Variants in SLC39A8 observed in about 807,000 individuals in gnomAD.
The protein encoded by SLC39A8 is metal cation symporter ZIP8.
A neutral mutation model predicts 40.4 loss-of-function variants in SLC39A8; 15 were observed. That is an observed-to-expected ratio of 0.37 (90% CI 0.25 to 0.57). SLC39A8 has a LOEUF of 0.57. Among genes scored for constraint, SLC39A8 ranks in the 20% least tolerant of loss-of-function variants. The pLI, the probability that SLC39A8 is intolerant of heterozygous loss-of-function variation, is 0.75. For missense variants in SLC39A8, 472 were observed against 558.8 expected, an observed-to-expected ratio of 0.84 and a Z score of 1.57; for synonymous variants, 223 against 221.6, an observed-to-expected ratio of 1.01 and a Z score of -0.06.
chr4:102,281,255 G>A (rs980912976), intron 6 of SLC39A8, among the ~76,000 whole-genome samples: 3 of 152,142 alleles, frequency 2.0e-5, no homozygotes, highest in African/African-American at 7.2e-5. Context: ...CAGTTGCTAG[G>A]ATCCTTAAAA....
At chr4:102,298,058 T>C (rs1466165323) in intron 6 of SLC39A8, among the ~76,000 whole-genome samples, 1 of 151,960 alleles carries the variant, frequency 6.6e-6, no homozygotes, top group Non-Finnish European at 1.5e-5. Context: ...CAGAGTAGTT[T>C]TTTTAAGAAG....
At chr4:102,261,194 A>G (rs1432398749), downstream of SLC39A8, among the ~76,000 whole-genome samples, 1 of 152,248 alleles carries the variant, frequency 6.6e-6, no homozygotes, top group Non-Finnish European at 1.5e-5. Flanking sequence ...AAATGAGCAC[A>G]GAAGTCTGGT....
At chr4:102,268,273 G>C (rs1732196177) in intron 6 of SLC39A8, among the ~76,000 whole-genome samples, 194 bp from the exon 7 acceptor site, 1 of 152,172 alleles carries the variant, frequency 6.6e-6, no homozygotes, top group African/African-American at 2.4e-5. Flanking sequence ...TTCATCAACT[G>C]ACACACCTCG....
rs9331 is a variant in SLC39A8, at chr4:102,262,061, G to A, written c.*983C>T. On this transcript the variant is annotated 3_prime_UTR_variant, in exon 9 of 9. Coordinates refer to ENST00000356736, the MANE Select transcript of SLC39A8 (RefSeq NM_001135146.2). ...AGGAAGTCTTTTCTGAATGGCTCTC[G>A]ATCACACATAAGGAACATATGTTTT... 0.77 allele frequency: 758,542 copies of A among 985,594 alleles called. 293,541 individuals are homozygous for A. Among genetic ancestry groups the A allele is most frequent in the Middle Eastern group, 0.79 (1,510 of 1,914 alleles). 61.1% of individuals were successfully genotyped at this position (985,594 alleles called of 1,614,324 possible).
chr4:102,279,768 C>T (rs760315072), intron 6 of SLC39A8, among the ~76,000 whole-genome samples: 4 of 151,980 alleles, frequency 2.6e-5, no homozygotes, highest in African/African-American at 7.3e-5. Flanking sequence ...ATATTTTAGT[C>T]AGGTTGCAGT....
chr4:102,343,877 T>G (rs2149059701), intron 2 of SLC39A8, among the ~76,000 whole-genome samples: 1 of 152,294 alleles, frequency 6.6e-6, no homozygotes, highest in South Asian at 2.1e-4. Context: ...ATAAGCCTAG[T>G]CTACCACCAT....
intron 6 of SLC39A8, among the ~76,000 whole-genome samples, chr4:102,288,743 A>G (rs937845994): frequency 9.9e-5 from 15 of 152,156 alleles, no homozygotes; most frequent in South Asian, 4.1e-4. Flanking sequence ...CACCCACAAC[A>G]TACCCTAAAG....
rs145889273 is a variant in SLC39A8, at chr4:102,279,268, G to A, written c.841-11189C>T. On this transcript the variant is annotated intron_variant, in intron 6 of 8. Coordinates refer to ENST00000356736, the MANE Select transcript of SLC39A8 (RefSeq NM_001135146.2). ...AAACATGGTCATTTTCTGATTCACT[G>A]GAAGTAGAGACTAACTCCTGGCAAT... Among the ~76,000 whole-genome samples, 489 of 152,160 alleles carry A rather than the reference G, an allele frequency of 3.2e-3. 2 individuals carry two copies. Among genetic ancestry groups the A allele is most frequent in the Middle Eastern group, 0.014 (4 of 294 alleles).
At chr4:102,344,409 C>G in intron 2 of SLC39A8, 35 bp downstream of exon 2, 1 of 1,430,156 alleles carries the variant, frequency 7.0e-7, no homozygotes, top group African/African-American at 1.5e-5. Flanking sequence ...GGGACACCCA[C>G]AGTACGGAGG....
At chr4:102,285,129 G>A (rs978241825) in intron 6 of SLC39A8, among the ~76,000 whole-genome samples, 4 of 152,068 alleles carry the variant, frequency 2.6e-5, no homozygotes, top group Non-Finnish European at 4.4e-5. Context: ...TACTTTTAAT[G>A]TTCTGATACC....
chr4:102,282,675 T>C (rs1030889737), intron 6 of SLC39A8, among the ~76,000 whole-genome samples: 4 of 152,134 alleles, frequency 2.6e-5, no homozygotes, highest in Admixed American at 6.6e-5. Context: ...TTTCAGTCAA[T>C]GGATCTCAGA....
At chr4:102,282,674 A>G (rs1732951624) in intron 6 of SLC39A8, among the ~76,000 whole-genome samples, 2 of 152,136 alleles carry the variant, frequency 1.3e-5, no homozygotes, top group Admixed American at 6.6e-5. Context: ...ATTTCAGTCA[A>G]TGGATCTCAG....
intron 2 of SLC39A8, among the ~76,000 whole-genome samples, chr4:102,322,145 A>G (rs910610470): frequency 1.3e-5 from 2 of 152,144 alleles, no homozygotes; most frequent in Non-Finnish European, 2.9e-5. Flanking sequence ...TCTGGATCCT[A>G]TAATCACCTG....
chr4:102,253,168 C>A, exon 12 of SLC39A8: 1 of 327,132 alleles, frequency 3.1e-6, no homozygotes. Context: ...TCGGGGCGAG[C>A]GGGGAGGGCG....
At chr4:102,299,586 C>G (rs1048646853) in intron 6 of SLC39A8, among the ~76,000 whole-genome samples, 6 of 152,020 alleles carry the variant, frequency 3.9e-5, no homozygotes, top group Non-Finnish European at 7.4e-5. Context: ...TGTTAGCATT[C>G]TATTCATAGA....
At chr4:102,277,118 A>G (rs1314757282) in intron 6 of SLC39A8, among the ~76,000 whole-genome samples, 1 of 152,198 alleles carries the variant, frequency 6.6e-6, no homozygotes, top group East Asian at 1.9e-4. Flanking sequence ...TATTCAACAT[A>G]GTATTGGAAG....
chr4:102,333,254 T>G (rs1215333805), intron 2 of SLC39A8, among the ~76,000 whole-genome samples: 2 of 152,154 alleles, frequency 1.3e-5, no homozygotes, highest in African/African-American at 4.8e-5. Context: ...CAAGACTGGA[T>G]GCAGAGGGCG....
At chr4:102,322,759 A>C (rs1450844315) in intron 2 of SLC39A8, among the ~76,000 whole-genome samples, 4 of 152,130 alleles carry the variant, frequency 2.6e-5, no homozygotes, top group Non-Finnish European at 5.9e-5. Flanking sequence ...AGTAGCTCAC[A>C]TTCCCAATAA....
intron 6 of SLC39A8, among the ~76,000 whole-genome samples, chr4:102,274,664 G>T (rs2149010436): frequency 6.6e-6 from 1 of 152,268 alleles, no homozygotes; most frequent in South Asian, 2.1e-4. Flanking sequence ...ATTCACCAAG[G>T]TTGGAATGCA....
Sources: gnomAD v4.1 joint callset for allele counts (sites outside exome capture counted in the v4.1 genomes callset) on GRCh38, gnomAD v4.1.1 for gene constraint, MANE v1.5 for transcripts, NCBI Gene and HGNC (gene_info 2026-07-23, HGNC 2026-07-21) for gene names.